SFSWAP: variants seen among roughly 807,000 people sequenced by gnomAD.
SFSWAP encodes splicing factor, suppressor of white-apricot homolog.
A neutral mutation model predicts 100.7 loss-of-function variants in SFSWAP; 17 were observed. The observed-to-expected ratio is 0.17, with a 90% CI of 0.12 to 0.25. SFSWAP has a LOEUF of 0.25. Among genes scored for constraint, SFSWAP ranks in the 10% least tolerant of loss-of-function variants. The probability of loss-of-function intolerance (pLI) is 1.00; values close to 1 mark genes in which losing one functional copy is unlikely to be tolerated. For missense variants in SFSWAP, 1,005 were observed against 1,262.6 expected (o/e 0.80, Z 3.09); for synonymous variants, 504 against 510.1 (o/e 0.99, Z 0.16).
intron 13 of SFSWAP, 44 bp downstream of exon 13, chr12:131,766,352 C>T (rs201897675): frequency 2.6e-6 from 4 of 1,563,264 alleles, no homozygotes; most frequent in African/African-American, 2.7e-5. Flanking sequence ...CTGTGTGATA[C>T]ATAGAGGCAG....
At chr12:131,743,244 C>A (rs1880821134) in intron 7 of SFSWAP, among the ~76,000 whole-genome samples, 1 of 152,234 alleles carries the variant, frequency 6.6e-6, no homozygotes, top group Admixed American at 6.5e-5. Context: ...AGTCTTAACT[C>A]ATTTCAGCAT....
At position 131,733,347 on chromosome 12, in the gene SFSWAP, G is replaced by A. The variant is rs747314546; in HGVS notation, c.1081+4919G>A. 1.6e-4 allele frequency among the ~76,000 whole-genome samples: 25 copies of A among 152,186 alleles called. No homozygotes were observed. The highest frequency in any genetic ancestry group is 2.9e-4 in the Non-Finnish European group (20 of 68,020). On this transcript the variant is annotated intron_variant, in intron 7 of 17. Transcript: ENST00000261674. This position sits in a 1 kb window ranked among gnomAD's most constrained non-coding sequence, Gnocchi z 5.1. ...GGGTGGATTGGCAGGCCTATAAGGC[G>A]CCTTTCACATTGAGGGTCTTAGGAT...
At chr12:131,740,691 A>G (rs993864895) in intron 7 of SFSWAP, among the ~76,000 whole-genome samples, 4 of 152,022 alleles carry the variant, frequency 2.6e-5, no homozygotes, top group East Asian at 1.9e-4. Context: ...AGCCATGTCT[A>G]TTTATTCCTT....
intron 7 of SFSWAP, among the ~76,000 whole-genome samples, chr12:131,739,391 TATGCTGATATAGAAATATATTTA>T (rs556064022): frequency 6.6e-6 from 1 of 152,242 alleles, no homozygotes; most frequent in South Asian, 2.1e-4. Context: ...ATGATTTGAA[TATGCTGATATAGAAATATATTTA>T]AGAGTGAGTA....
intron 13 of SFSWAP, among the ~76,000 whole-genome samples, chr12:131,776,323 C>T (rs541434845): frequency 3.0e-4 from 46 of 152,150 alleles, no homozygotes; most frequent in African/African-American, 1.1e-3. Context: ...CCCTCTTGCC[C>T]GCCGCACACC....
At chr12:131,735,730 G>A (rs1198602846) in intron 7 of SFSWAP, among the ~76,000 whole-genome samples, 1 of 152,228 alleles carries the variant, frequency 6.6e-6, no homozygotes, top group Non-Finnish European at 1.5e-5. Context: ...TTCCAGTCTG[G>A]ATTTCTGTAA....
chr12:131,755,503 C>T (rs760394023), intron 10 of SFSWAP, 24 bp downstream of exon 10: 9 of 1,548,106 alleles, frequency 5.8e-6, no homozygotes, highest in Admixed American at 3.4e-5. Context: ...TGCAGGGAGG[C>T]TGTGAAGCTC....
chr12:131,715,698 G>T (rs1877836944), intron 3 of SFSWAP, among the ~76,000 whole-genome samples: 1 of 152,116 alleles, frequency 6.6e-6, no homozygotes, highest in Admixed American at 6.5e-5. Context: ...AGTATATTCA[G>T]GATATTCTGT....
intron 15 of SFSWAP, among the ~76,000 whole-genome samples, chr12:131,788,829 G>T (rs761143625): frequency 2.6e-5 from 4 of 152,142 alleles, no homozygotes; most frequent in Non-Finnish European, 4.4e-5. Flanking sequence ...CAGCCAGCCC[G>T]TGTCCCTGTC....
chr12:131,778,362 C>A lies in SFSWAP; in HGVS notation c.2408+32C>A, dbSNP rs751977886. 2 of 1,598,994 alleles carry A rather than the reference C, an allele frequency of 1.3e-6. No individual in the cohort carries two copies. The highest frequency in any genetic ancestry group is 3.5e-5 in the Admixed American group (2 of 57,004). ...GTGAAGGGGGCAGCACCTCTGGTACCCTCATGACCCCCATGTCCTTCACAG... is the reference window on the plus strand; with the variant it reads ...GTGAAGGGGGCAGCACCTCTGGTACACTCATGACCCCCATGTCCTTCACAG... On this transcript the variant is annotated intron_variant, in intron 14 of 17. Coordinates refer to ENST00000261674, the MANE Select transcript of SFSWAP (RefSeq NM_004592.4). The surrounding 1 kb of genome is among the most constrained non-coding windows in gnomAD (Gnocchi z 4.2).
At chr12:131,737,291 G>A (rs140963712) in intron 7 of SFSWAP, among the ~76,000 whole-genome samples, 403 of 152,218 alleles carry the variant, frequency 2.6e-3, no homozygotes, top group Non-Finnish European at 4.0e-3. Context: ...CTTCTGTATC[G>A]GCACCTAAAA....
intron 7 of SFSWAP, among the ~76,000 whole-genome samples, chr12:131,748,594 A>C (rs1157996415): frequency 6.6e-6 from 1 of 152,210 alleles, no homozygotes; most frequent in Non-Finnish European, 1.5e-5. Context: ...TTCACACGAG[A>C]TTAAGATCAT....
intron 15 of SFSWAP, 68 bp from the exon 16 acceptor site, chr12:131,797,110 G>T (rs1432905822): frequency 6.9e-7 from 1 of 1,457,454 alleles, no homozygotes; most frequent in South Asian, 1.2e-5. Flanking sequence ...GCTCAGATCC[G>T]AGCTTCTCCC....
At chr12:131,763,190 C>T (rs982371496) in intron 11 of SFSWAP, among the ~76,000 whole-genome samples, 1 of 152,114 alleles carries the variant, frequency 6.6e-6, no homozygotes, top group Non-Finnish European at 1.5e-5. Context: ...AATGCTAAAG[C>T]GGAAGGACCT....
At chr12:131,732,902 ACT>A (rs35680650) in intron 7 of SFSWAP, among the ~76,000 whole-genome samples, 22,168 of 151,862 alleles carry the variant, frequency 0.15, 2,211 homozygotes, top group East Asian at 0.52. Flanking sequence ...ATTTTGGGAG[ACT>A]CTCAGTTGGG....
intron 8 of SFSWAP, 179 bp downstream of exon 8, chr12:131,753,542 G>C: frequency 1.2e-6 from 1 of 866,316 alleles, no homozygotes; most frequent in Admixed American, 3.0e-5. Context: ...AGAAATGGTT[G>C]TAGCACAAAC....
At chr12:131,761,535 G>A (rs554570281) in intron 11 of SFSWAP, among the ~76,000 whole-genome samples, 2 of 152,354 alleles carry the variant, frequency 1.3e-5, no homozygotes, top group African/African-American at 4.8e-5. Flanking sequence ...AGAGCAGGCA[G>A]CTCTCAGGCA....
intron 7 of SFSWAP, among the ~76,000 whole-genome samples, chr12:131,743,075 C>T (rs1279915254): frequency 6.6e-6 from 1 of 152,200 alleles, no homozygotes; most frequent in East Asian, 1.9e-4. Flanking sequence ...AGTCACCTCC[C>T]ACCAGGTTCC....
At chr12:131,744,113 G>A (rs975043704) in intron 7 of SFSWAP, among the ~76,000 whole-genome samples, 1 of 152,226 alleles carries the variant, frequency 6.6e-6, no homozygotes, top group Non-Finnish European at 1.5e-5. Context: ...GATGGGAGGG[G>A]CTGCCATGAA....
Sources: gnomAD v4.1 joint callset for allele counts (sites outside exome capture counted in the v4.1 genomes callset) on GRCh38, gnomAD v4.1.1 for gene constraint, Gnocchi (gnomAD v3.1) non-coding constraint, MANE v1.5 for transcripts, NCBI Gene and HGNC (gene_info 2026-07-23, HGNC 2026-07-21) for gene names.